Variants in MAP6 observed in about 807,000 individuals in gnomAD.
The protein encoded by MAP6 is microtubule-associated protein 6.
In MAP6, 26 loss-of-function variants were observed where a neutral mutation model predicts 42.4. The ratio of observed to expected loss-of-function variants is 0.61; its 90% CI spans 0.45 to 0.85. The LOEUF (loss-of-function observed/expected upper bound fraction) is 0.85. MAP6 is among the 40% of genes least tolerant of loss of function. The pLI is 0.00. For synonymous variants in MAP6, 418 were observed against 443.8 expected (o/e 0.94, Z 0.73); for missense variants, 966 against 1,099.0 (o/e 0.88, Z 1.71).
At chr11:75,592,511 G>T (rs1942499657) in intron 3 of MAP6, among the ~76,000 whole-genome samples, 1 of 151,984 alleles carries the variant, frequency 6.6e-6, no homozygotes. Context: ...CATCCATCAG[G>T]TCCCATTGAT....
intron 1 of MAP6, among the ~76,000 whole-genome samples, chr11:75,650,521 G>A (rs763205142): frequency 6.6e-6 from 1 of 152,142 alleles, no homozygotes; most frequent in Non-Finnish European, 1.5e-5. Context: ...GTTCATGGCT[G>A]TAATCCAAGA....
chr11:75,615,706 G>A (rs550765105), intron 1 of MAP6, among the ~76,000 whole-genome samples: 8 of 152,318 alleles, frequency 5.3e-5, no homozygotes, highest in South Asian at 2.1e-4. Context: ...CTTTCTGAGC[G>A]CATTTCAAGT....
At position 75,604,242 on chromosome 11, in the gene MAP6, A is replaced by G. The variant is rs1942717883; in HGVS notation, c.1316+1566T>C. 1.1e-5 allele frequency: 11 copies of G among 985,800 alleles called. No individual in the cohort carries two copies. In the South Asian group the frequency reaches 5.2e-4, roughly 46 times the overall value. 61.1% of individuals were successfully genotyped at this position (985,800 alleles called of 1,614,324 possible). ...AGCACACGCCGAATTAATTTACAAA[A>G]GACTTCTCACTCAGCCCCAAGGTGA... On this transcript the variant is annotated intron_variant, in intron 3 of 3. Coordinates refer to ENST00000304771, the MANE Select transcript of MAP6 (RefSeq NM_033063.2).
rs1315791917 is a variant in MAP6, at chr11:75,667,925, G to C, written c.445C>G (p.Pro149Ala). 4.3e-6 allele frequency: 6 copies of C among 1,400,022 alleles called. No individual in the cohort carries two copies. The highest frequency in any genetic ancestry group is 5.6e-6 in the Non-Finnish European group (6 of 1,072,672). The allele number at this position is 1,400,022 out of a possible 1,614,324, so 86.7% of individuals were successfully genotyped here. The change falls in exon 1 of 4, where the codon CCC becomes GCC. Residue 149 changes from proline (P) to alanine (A), a missense_variant. Physicochemically the swap from Pro to Ala is conservative, Grantham distance 27 (BLOSUM62 -1). This residue lies in a region of MAP6 where 943 missense variants were observed against 1,049.9 expected (regional missense o/e 0.90). Coordinates refer to ENST00000304771, the MANE Select transcript of MAP6 (RefSeq NM_033063.2). This position sits in a 1 kb window ranked among gnomAD's most constrained non-coding sequence, Gnocchi z 5.6. ...PRSEYQPSDA[P>A]FERETQYQKD... The stretch of plus-strand genomic sequence containing the variant: ...TGGTACTGGGTCTCGCGCTCGAAGG[G>C]AGCGTCGGAGGGCTGGTATTCGCTG...
intron 1 of MAP6, among the ~76,000 whole-genome samples, chr11:75,621,826 C>T (rs1008984530): frequency 6.6e-6 from 1 of 152,228 alleles, no homozygotes; most frequent in African/African-American, 2.4e-5. Context: ...AGTTCGAGAC[C>T]AGCCTGGCCA....
chr11:75,604,240 A>G, intron 3 of MAP6: 1 of 985,906 alleles, frequency 1.0e-6, no homozygotes, highest in Non-Finnish European at 1.2e-6. Flanking sequence ...TTAATTTACA[A>G]AAGACTTCTC....
intron 1 of MAP6, among the ~76,000 whole-genome samples, chr11:75,639,956 T>C (rs193167236): frequency 1.8e-4 from 27 of 152,290 alleles, no homozygotes; most frequent in Admixed American, 6.5e-4. Context: ...TCCCACTCCA[T>C]TGAACACACA....
chr11:75,636,083 G>A (rs1943364465), intron 1 of MAP6: 1 of 152,172 alleles, frequency 6.6e-6, no homozygotes. Flanking sequence ...GTCTGCTTCT[G>A]GGTCCCAGGA....
At chr11:75,612,993 C>T (rs919876359) in intron 1 of MAP6, among the ~76,000 whole-genome samples, 1 of 152,162 alleles carries the variant, frequency 6.6e-6, no homozygotes, top group Non-Finnish European at 1.5e-5. Context: ...TGACAGAATC[C>T]TACTCTTGAG....
At chr11:75,588,940 C>T (rs1942425282) in intron 3 of MAP6, among the ~76,000 whole-genome samples, 1 of 152,206 alleles carries the variant, frequency 6.6e-6, no homozygotes, top group Non-Finnish European at 1.5e-5. Context: ...ACCTCAGCCT[C>T]CTGAATAGCT....
chr11:75,665,102 T>C (rs1031512594), intron 1 of MAP6, among the ~76,000 whole-genome samples: 28 of 152,188 alleles, frequency 1.8e-4, no homozygotes, highest in African/African-American at 6.8e-4. Flanking sequence ...TGTTCAAAGA[T>C]TTTTTTGACA....
At chr11:75,645,832 T>A (rs190652594) in intron 1 of MAP6, among the ~76,000 whole-genome samples, 3 of 151,880 alleles carry the variant, frequency 2.0e-5, no homozygotes, top group African/African-American at 7.2e-5. Context: ...AGTGAAAGAC[T>A]GAGAAAATTT....
At chr11:75,646,499 T>TAAAAA (rs763735730) in intron 1 of MAP6, among the ~76,000 whole-genome samples, 2 of 66,662 alleles carry the variant, frequency 3.0e-5, no homozygotes, top group South Asian at 4.5e-4. Flanking sequence ...CCATCTCTAT[T>TAAAAA]AAAAAAAAAA....
At chr11:75,642,764 A>G (rs1943494843) in intron 1 of MAP6, 2 of 335,568 alleles carry the variant, frequency 6.0e-6, no homozygotes, top group Admixed American at 5.0e-5. Context: ...CCAAGGCTAA[A>G]AGCTGAAATA....
At position 75,588,290 on chromosome 11, in the gene MAP6, C is replaced by A. The variant is rs1025179134; in HGVS notation, c.1317-106G>T. 19 of 1,041,178 alleles carry A rather than the reference C, an allele frequency of 1.8e-5. No homozygotes were observed. In the African/African-American group the frequency reaches 1.9e-4, roughly 11 times the overall value. 64.5% of individuals were successfully genotyped at this position (1,041,178 alleles called of 1,614,324 possible). A position where few individuals can be genotyped will look rare whatever the true frequency, so the allele number is the denominator to read the frequency against. Reference sequence around the variant, plus strand: ...TTGGCCTAGTGGAGCCTGGGCCGGGCAGCTCTTGCTGGAGAGCCAGGAGAA... The same window carrying A: ...TTGGCCTAGTGGAGCCTGGGCCGGGAAGCTCTTGCTGGAGAGCCAGGAGAA... On this transcript the variant is annotated intron_variant, in intron 3 of 3. Transcript: ENST00000304771.
At chr11:75,624,404 C>A (rs1175667212) in intron 1 of MAP6, among the ~76,000 whole-genome samples, 3 of 152,122 alleles carry the variant, frequency 2.0e-5, no homozygotes, top group Non-Finnish European at 4.4e-5. Context: ...GTGGGCGGCA[C>A]TTACATGCAC....
intron 1 of MAP6, among the ~76,000 whole-genome samples, chr11:75,617,827 G>A (rs1205702267): frequency 1.3e-5 from 2 of 152,116 alleles, no homozygotes; most frequent in Non-Finnish European, 2.9e-5. Flanking sequence ...GGAATGCTGG[G>A]GTGGTTGTGC....
intron 3 of MAP6, among the ~76,000 whole-genome samples, chr11:75,600,097 A>G (rs2135579664): frequency 6.6e-6 from 1 of 152,354 alleles, no homozygotes; most frequent in South Asian, 2.1e-4. Flanking sequence ...ACAGCTAAGT[A>G]TATATCTGTC....
intron 1 of MAP6, among the ~76,000 whole-genome samples, chr11:75,612,139 C>A (rs983730771): frequency 6.6e-6 from 1 of 152,274 alleles, no homozygotes; most frequent in Non-Finnish European, 1.5e-5. Context: ...ATGGGCCACA[C>A]TCTTGCCCTG....
Sources: gnomAD v4.1 joint callset for allele counts (sites outside exome capture counted in the v4.1 genomes callset) on GRCh38, gnomAD v4.1.1 for gene constraint, gnomAD v4.1.1 regional missense constraint, Gnocchi (gnomAD v3.1) non-coding constraint, MANE v1.5 for transcripts, NCBI Gene and HGNC (gene_info 2026-07-23, HGNC 2026-07-21) for gene names.